The following UGT2B7 variants were observed in gnomAD, a reference collection of about 807,000 sequenced individuals.
UGT2B7 encodes the protein UDP-glucuronosyltransferase 2B7.
Under a neutral mutation model 51.9 loss-of-function variants are expected in UGT2B7, and 51 were observed. The observed-to-expected ratio is 0.98, with a 90% CI of 0.78 to 1.24. The LOEUF is 1.24. UGT2B7 is among the 50% of genes most tolerant of loss of function. The pLI is 0.00. For synonymous variants in UGT2B7, 225 were observed against 211.6 expected (o/e 1.06, Z -0.55); for missense variants, 727 against 628.4 (o/e 1.16, Z -1.68).
chr4:69,112,856 A>G lies in UGT2B7; in HGVS notation c.*120A>G. The G allele has an allele frequency of 7.3e-7, 1 of 1,363,742 alleles. No homozygotes were observed. The highest frequency in any genetic ancestry group is 9.6e-7 in the Non-Finnish European group (1 of 1,036,702). The allele number at this position is 1,363,742 out of a possible 1,614,324, so 84.5% of individuals were successfully genotyped here. A position where few individuals can be genotyped will look rare whatever the true frequency, so the allele number is the denominator to read the frequency against. On this transcript the variant is annotated 3_prime_UTR_variant, in exon 6 of 6. Coordinates refer to ENST00000305231, the MANE Select transcript of UGT2B7 (RefSeq NM_001074.4). ...TGAGACAAAAAAAAAAAAAGAAAAAAAAATCTTTTCAAAATTTACTTTGTC... is the reference window on the plus strand; with the variant it reads ...TGAGACAAAAAAAAAAAAAGAAAAAGAAATCTTTTCAAAATTTACTTTGTC...
At chr4:69,075,331 A>G (rs1241437309) in intron 1 of UGT2B7, among the ~76,000 whole-genome samples, 2 of 152,120 alleles carry the variant, frequency 1.3e-5, no homozygotes, top group African/African-American at 4.8e-5. Context: ...AAAAGGCAGT[A>G]CATTATCTCT....
upstream of UGT2B7, chr4:69,096,342 T>C: frequency 1.1e-6 from 1 of 945,732 alleles, no homozygotes; most frequent in East Asian, 2.7e-5. Context: ...GAACAGATCA[T>C]TTACCTTCAT....
At chr4:69,093,754 A>T (rs1293578130), upstream of UGT2B7, among the ~76,000 whole-genome samples, 1 of 152,066 alleles carries the variant, frequency 6.6e-6, no homozygotes, top group African/African-American at 2.4e-5. Context: ...TTCACTCACC[A>T]CTTCCCTGGG....
At chr4:69,068,321 A>G (rs943123844) in intron 1 of UGT2B7, among the ~76,000 whole-genome samples, 1 of 152,042 alleles carries the variant, frequency 6.6e-6, no homozygotes, top group Admixed American at 6.6e-5. Context: ...AAGAGGAGAT[A>G]TTAGTATAAA....
rs77726244 is a variant in UGT2B7 at position 69,111,884 on chromosome 4, A to G, written c.1311-573A>G. Among the ~76,000 whole-genome samples the G allele has an allele frequency of 6.0e-3, 908 of 152,338 alleles. 5 individuals carry two copies. The highest frequency in any genetic ancestry group is 0.021 in the African/African-American group (864 of 41,574). The stretch of plus-strand genomic sequence containing the variant: ...ATTAAAATACACAAATTCGATGTCA[A>G]TTCTTTGACATTTATTTTGAATTAT... On this transcript the variant is annotated intron_variant, in intron 5 of 5. Coordinates refer to ENST00000305231, the MANE Select transcript of UGT2B7 (RefSeq NM_001074.4).
At chr4:69,093,349 G>T (rs1357638726), upstream of UGT2B7, among the ~76,000 whole-genome samples, 1 of 152,210 alleles carries the variant, frequency 6.6e-6, no homozygotes, top group Non-Finnish European at 1.5e-5. Flanking sequence ...CAAAGATGGT[G>T]GCCCACCCCA....
chr4:69,087,857 A>G (rs1026358991), intron 1 of UGT2B7, among the ~76,000 whole-genome samples: 28 of 151,820 alleles, frequency 1.8e-4, no homozygotes, highest in Admixed American at 6.6e-5. Context: ...ACCTTTTCTT[A>G]TACTGCTATC....
At chr4:69,083,992 T>G (rs11938761) in intron 1 of UGT2B7, among the ~76,000 whole-genome samples, 1 of 151,242 alleles carries the variant, frequency 6.6e-6, no homozygotes, top group East Asian at 1.9e-4. Context: ...TTTCCTTTTT[T>G]ACTCTGATGT....
rs1422622427 is a variant in UGT2B7, at chr4:69,064,030, A to AAGAAAGAC, written c.-159+12435_-159+12436insCAGAAAGA. On this transcript the variant is annotated intron_variant, in intron 1 of 5. Transcript: ENST00000502942. Reference sequence around the variant, plus strand: ...GGGAAGATGAGATGGGAAAGAAAGAAAGAAAGAAAGAAAGAAAGAAAGAAA... The same window carrying AAGAAAGAC: ...GGGAAGATGAGATGGGAAAGAAAGAAAGAAAGACAGAAAGAAAGAAAGAAAGAAAGAAA... 3.8e-3 allele frequency among the ~76,000 whole-genome samples: 307 copies of AAGAAAGAC among 80,736 alleles called. 7 individuals carry two copies. The highest frequency in any genetic ancestry group is 0.011 in the African/African-American group (171 of 14,966). The allele number at this position is 80,736 out of a possible 152,430, so 53.0% of individuals were successfully genotyped here. A position where few individuals can be genotyped will look rare whatever the true frequency, so the allele number is the denominator to read the frequency against.
chr4:69,109,911 T>C (rs1401142898), intron 5 of UGT2B7, among the ~76,000 whole-genome samples: 1 of 151,614 alleles, frequency 6.6e-6, no homozygotes, highest in Non-Finnish European at 1.5e-5. Context: ...GGATAATGAA[T>C]GATAAAAATA....
intron 1 of UGT2B7, among the ~76,000 whole-genome samples, chr4:69,077,831 G>A (rs1200378275): frequency 6.6e-6 from 1 of 152,306 alleles, no homozygotes; most frequent in East Asian, 1.9e-4. Flanking sequence ...TAGAAGTGGT[G>A]AGAGAGGGCA....
At chr4:69,093,223 G>A (rs1282214477), upstream of UGT2B7, among the ~76,000 whole-genome samples, 2 of 152,202 alleles carry the variant, frequency 1.3e-5, no homozygotes, top group Non-Finnish European at 2.9e-5. Context: ...ACTTGAAGAA[G>A]CAGTCTGGCC....
chr4:69,100,501 A>T (rs1719386732), intron 2 of UGT2B7, among the ~76,000 whole-genome samples: 1 of 152,046 alleles, frequency 6.6e-6, no homozygotes, highest in Admixed American at 6.6e-5. Context: ...CTCAATATCT[A>T]TGTTGAATGA....
At chr4:69,088,568 C>A (rs1411151368) in intron 1 of UGT2B7, among the ~76,000 whole-genome samples, 1 of 152,060 alleles carries the variant, frequency 6.6e-6, no homozygotes, top group African/African-American at 2.4e-5. Flanking sequence ...TAGAAAAGCT[C>A]CGTATGAGTA....
Position 69,112,437 on chromosome 4 carries a change from T to A in UGT2B7, c.1311-20T>A, listed in dbSNP as rs886113122. 21 of 1,608,284 alleles carry A rather than the reference T, an allele frequency of 1.3e-5. No homozygotes were observed. In the African/African-American group the frequency reaches 2.6e-4, roughly 20 times the overall value. On this transcript the variant is annotated intron_variant, in intron 5 of 5. Coordinates refer to ENST00000305231, the MANE Select transcript of UGT2B7 (RefSeq NM_001074.4). ...TGTAACTCTTCCTGCTACATTACTG[T>A]CTTTATTTTTATCTTTCAGATATAA... is the stretch of plus-strand genomic sequence containing the variant.
chr4:69,098,073 T>C (rs945872208), intron 1 of UGT2B7, among the ~76,000 whole-genome samples: 1 of 152,002 alleles, frequency 6.6e-6, no homozygotes, highest in African/African-American at 2.4e-5. Flanking sequence ...TAGTCCACAG[T>C]TCACTTGAAC....
chr4:69,056,950 C>T (rs1718218289), intron 1 of UGT2B7, among the ~76,000 whole-genome samples: 1 of 152,188 alleles, frequency 6.6e-6, no homozygotes, highest in Admixed American at 6.5e-5. Flanking sequence ...AAATCAAAGA[C>T]AGGCAGCCCA....
intron 1 of UGT2B7, among the ~76,000 whole-genome samples, chr4:69,064,112 A>AAGAAAGAAAGAAAGAGAGAGAAAGAAAG (rs754723956): frequency 1.2e-5 from 1 of 86,802 alleles, no homozygotes; most frequent in Non-Finnish European, 2.2e-5. Flanking sequence ...GAAAGAAAGA[A>AAGAAAGAAAGAAAGAGAGAGAAAGAAAG]AAAGAAAGAA....
At chr4:69,100,306 G>A (rs12506962) in intron 2 of UGT2B7, among the ~76,000 whole-genome samples, 87,553 of 151,634 alleles carry the variant, frequency 0.58, 26,257 homozygotes, top group African/African-American at 0.71. Flanking sequence ...TAGATTCCAG[G>A]GAATTCTGTC....
Sources: gnomAD v4.1 joint callset for allele counts (sites outside exome capture counted in the v4.1 genomes callset) on GRCh38, gnomAD v4.1.1 for gene constraint, MANE v1.5 for transcripts, NCBI Gene and HGNC (gene_info 2026-07-23, HGNC 2026-07-21) for gene names.